ANKRD40: variants seen among roughly 807,000 people sequenced by gnomAD.
ANKRD40 encodes ankyrin repeat domain 40, also known as ankyrin repeat domain-containing protein 40.
Under a neutral mutation model 35.5 loss-of-function variants are expected in ANKRD40, and 24 were observed. That is an observed-to-expected ratio of 0.68 (90% CI 0.49 to 0.95). The LOEUF (loss-of-function observed/expected upper bound fraction) is 0.95, where lower values mean the gene tolerates loss of function less well. ANKRD40 is among the 40% of genes least tolerant of loss of function. The pLI, the probability that ANKRD40 is intolerant of heterozygous loss-of-function variation, is 0.00. For synonymous variants in ANKRD40, 147 were observed against 173.5 expected, an observed-to-expected ratio of 0.85 and a Z score of 1.20; for missense variants, 361 against 436.0, an observed-to-expected ratio of 0.83 and a Z score of 1.53.
At position 50,693,904 on chromosome 17, in the gene ANKRD40, G is replaced by A. The variant is rs1448141791; in HGVS notation, c.*2093C>T. On this transcript the variant is annotated 3_prime_UTR_variant, in exon 5 of 5. Coordinates refer to ENST00000285243, the MANE Select transcript of ANKRD40 (RefSeq NM_052855.4). ...GGAGCACTTTGGGAGGCCAAGGCAG[G>A]TGGATCACTTGAGGCCAGGAGTTCG... 1 of 152,120 alleles carries A rather than the reference G, an allele frequency of 6.6e-6. No individual in the cohort carries two copies. Among genetic ancestry groups the A allele is most frequent in the Admixed American group, 6.6e-5 (1 of 15,262 alleles). The allele number at this position is 152,120 out of a possible 1,614,324, so 9.4% of individuals were successfully genotyped here. A position where few individuals can be genotyped will look rare whatever the true frequency, so the allele number is the denominator to read the frequency against.
Position 50,707,639 on chromosome 17 carries a change from C to T in ANKRD40, c.16G>A (p.Glu6Lys). 1 of 1,574,668 alleles carries T rather than the reference C, an allele frequency of 6.4e-7. No individual in the cohort carries two copies. The highest frequency in any genetic ancestry group is 1.1e-5 in the South Asian group (1 of 87,862). ...AGCCTCTCCTGCTGCTCCTTCTGCT[C>T]TAGGAGGGCGTTCATCTTCCCACAG... MNALLEQKEQQERLRE... is the reference protein window; with the variant it reads MNALLKQKEQQERLRE... Residue 6 changes from glutamate to lysine, a missense_variant, in exon 1 of 5, where the codon GAG (glutamate) becomes AAG (lysine). Glu to Lys is a moderately conservative substitution (Grantham distance 56). Around this residue, in one of 5 missense-constraint regions of ANKRD40, gnomAD observed 56 missense variants for 47.1 expected, o/e 1.19. Transcript: ENST00000285243. This position sits in a 1 kb window ranked among gnomAD's most constrained non-coding sequence, Gnocchi z 4.8.
At chr17:50,698,554 AAAGGGTAAAGATTCCAGATT>A (rs1567843282) in intron 3 of ANKRD40, among the ~76,000 whole-genome samples, 1 of 152,204 alleles carries the variant, frequency 6.6e-6, no homozygotes, top group Non-Finnish European at 1.5e-5. Flanking sequence ...CAAAAATGAT[AAAGGGTAAAGATTCCAGATT>A]AAAGGAAACT....
chr17:50,699,229 G>A (rs2146656841), intron 3 of ANKRD40, among the ~76,000 whole-genome samples, 170 bp downstream of exon 3: 1 of 152,204 alleles, frequency 6.6e-6, no homozygotes, highest in East Asian at 1.9e-4. Flanking sequence ...GGGTATCAGG[G>A]TAAAAGGGCA....
intron 3 of ANKRD40, 107 bp from the exon 4 acceptor site, chr17:50,697,228 G>A (rs1968210654): frequency 9.0e-7 from 1 of 1,105,520 alleles, no homozygotes; most frequent in Non-Finnish European, 1.3e-6. Flanking sequence ...CCAAAGGTCT[G>A]TGCATGATTA....
intron 1 of ANKRD40, among the ~76,000 whole-genome samples, chr17:50,702,799 T>A (rs1007153167): frequency 1.3e-5 from 2 of 152,160 alleles, no homozygotes; most frequent in African/African-American, 4.8e-5. Context: ...GCCTTAGTGA[T>A]CATCATTTAC....
At position 50,699,859 on chromosome 17, in the gene ANKRD40, G is replaced by GTCA. The variant is rs138572332; in HGVS notation, c.315_317dup (p.Asp106dup). 16,920 of 1,515,574 alleles carry GTCA rather than the reference G, an allele frequency of 0.011. 401 individuals carry two copies. The highest frequency in any genetic ancestry group is 0.082 in the African/African-American group (5,885 of 71,672). 93.9% of individuals were successfully genotyped at this position (1,515,574 alleles called of 1,614,324 possible). On this transcript the variant is annotated inframe_insertion, in exon 3 of 5. Coordinates refer to ENST00000285243, the MANE Select transcript of ANKRD40 (RefSeq NM_052855.4). The stretch of plus-strand genomic sequence containing the variant: ...ACTCCTTCTTCAGCTGGGGGAGGTT[G>GTCA]TCATCATCATCATCATCATCATCTT...
chr17:50,697,391 A>G (rs1329715474), intron 3 of ANKRD40, among the ~76,000 whole-genome samples: 1 of 152,210 alleles, frequency 6.6e-6, no homozygotes, highest in Admixed American at 6.5e-5. Context: ...CATTCCAGCT[A>G]TGTAGAAGGA....
In ANKRD40 at chr17:50,707,403, C is replaced by G. The variant is rs1968353334; in HGVS notation, c.134+118G>C. On this transcript the variant is annotated intron_variant, in intron 1 of 4. Coordinates refer to ENST00000285243, the MANE Select transcript of ANKRD40 (RefSeq NM_052855.4). The surrounding 1 kb of genome is among the most constrained non-coding windows in gnomAD (Gnocchi z 4.8). ...CTCAAGAGAGCACAATCTCGGAGGCCCGAGGTGGCAGGCCTCGCCGTAGCC... is the reference window on the plus strand; with the variant it reads ...CTCAAGAGAGCACAATCTCGGAGGCGCGAGGTGGCAGGCCTCGCCGTAGCC... 2 of 1,447,744 alleles carry G rather than the reference C, an allele frequency of 1.4e-6. No individual in the cohort carries two copies. The highest frequency in any genetic ancestry group is 9.3e-7 in the Non-Finnish European group (1 of 1,080,216). The allele number at this position is 1,447,744 out of a possible 1,614,324, so 89.7% of individuals were successfully genotyped here.
Position 50,707,851 on chromosome 17 carries a change from C to T in ANKRD40, c.-197G>A, listed in dbSNP as rs1401904161. 5.4e-6 allele frequency: 1 copy of T among 183,904 alleles called. No homozygotes were observed. Among genetic ancestry groups the T allele is most frequent in the African/African-American group, 2.4e-5 (1 of 41,964 alleles). The allele number at this position is 183,904 out of a possible 1,614,324, so 11.4% of individuals were successfully genotyped here. ...CGCGGGCCGCCCCTGCTGCTCCCGGCCCGCAGGCCCAGGCCTCCTCCCGGG... is the reference window on the plus strand; with the variant it reads ...CGCGGGCCGCCCCTGCTGCTCCCGGTCCGCAGGCCCAGGCCTCCTCCCGGG... On this transcript the variant is annotated 5_prime_UTR_variant, in exon 1 of 5. Transcript: ENST00000285243. This position sits in a 1 kb window ranked among gnomAD's most constrained non-coding sequence, Gnocchi z 4.8.
intron 1 of ANKRD40, among the ~76,000 whole-genome samples, chr17:50,705,818 C>G (rs1489826915): frequency 6.6e-6 from 1 of 151,604 alleles, no homozygotes; most frequent in Non-Finnish European, 1.5e-5. Context: ...ACACCGCTAC[C>G]CCTGGCTAAT....
chr17:50,705,916 C>T (rs1315237063), intron 1 of ANKRD40, among the ~76,000 whole-genome samples: 2 of 151,920 alleles, frequency 1.3e-5, no homozygotes, highest in Non-Finnish European at 2.9e-5. Flanking sequence ...ACCTTGGCCT[C>T]CCAAAGTGCT....
In ANKRD40 at chr17:50,699,422, C is replaced by T; in HGVS notation, c.755G>A (p.Gly252Glu). The change falls in exon 3 of 5, where the codon GGA becomes GAA. Residue 252 changes from glycine to glutamate, a missense_variant. Around this residue, in one of 5 missense-constraint regions of ANKRD40, gnomAD observed 93 missense variants for 129.6 expected, o/e 0.72. Transcript: ENST00000285243. ...APAFQPFFFT[G>E]AFPFNMQELV... ...ACCTTGCATATTAAATGGAAATGCT[C>T]CAGTGAAGAAAAATGGCTGGAATGC... 1 of 1,614,024 alleles carries T rather than the reference C, an allele frequency of 6.2e-7. No individual in the cohort carries two copies. The highest frequency in any genetic ancestry group is 8.5e-7 in the Non-Finnish European group (1 of 1,179,946).
rs1389827651 is a variant in ANKRD40, at chr17:50,694,419, TG to T, written c.*1577del. 4 of 152,236 alleles carry T rather than the reference TG, an allele frequency of 2.6e-5. No individual in the cohort carries two copies. The highest frequency in any genetic ancestry group is 5.9e-5 in the Non-Finnish European group (4 of 68,040). The allele number at this position is 152,236 out of a possible 1,614,324, so 9.4% of individuals were successfully genotyped here. A position where few individuals can be genotyped will look rare whatever the true frequency, so the allele number is the denominator to read the frequency against. ...TCTGCACGTTCTCACTCAACTGTAG[TG>T]TTCTAATAAAATTAAGTTAACACAG... On this transcript the variant is annotated 3_prime_UTR_variant, in exon 5 of 5. Transcript: ENST00000285243.
At chr17:50,705,420 T>TAAAAA (rs11459587) in intron 1 of ANKRD40, among the ~76,000 whole-genome samples, 4 of 141,548 alleles carry the variant, frequency 2.8e-5, no homozygotes, top group Non-Finnish European at 4.6e-5. Flanking sequence ...CAAAGACCTG[T>TAAAAA]AAAAAAAAAA....
At chr17:50,703,649 A>C (rs1388591722) in intron 1 of ANKRD40, among the ~76,000 whole-genome samples, 2 of 152,188 alleles carry the variant, frequency 1.3e-5, no homozygotes. Context: ...GGTATTCCAG[A>C]GAAAGCAAGG....
chr17:50,706,929 A>AG (rs1567845149), intron 1 of ANKRD40, among the ~76,000 whole-genome samples: 4 of 141,450 alleles, frequency 2.8e-5, no homozygotes, highest in Non-Finnish European at 4.7e-5. Context: ...AAAAAAAAAA[A>AG]AAAGAAAGAA....
At chr17:50,700,031 T>C in intron 2 of ANKRD40, 138 bp from the exon 3 acceptor site, 2 of 763,012 alleles carry the variant, frequency 2.6e-6, no homozygotes, top group Non-Finnish European at 3.7e-6. Context: ...TCATTAGGTT[T>C]ATGATTACCA....
intron 3 of ANKRD40, among the ~76,000 whole-genome samples, chr17:50,698,712 G>A (rs369946788): frequency 7.9e-5 from 12 of 152,096 alleles, no homozygotes; most frequent in Admixed American, 3.9e-4. Flanking sequence ...CAGACAGTAC[G>A]TATAGTAGAT....
intron 1 of ANKRD40, among the ~76,000 whole-genome samples, chr17:50,701,390 T>A (rs959327528): frequency 1.3e-5 from 2 of 152,190 alleles, no homozygotes; most frequent in African/African-American, 2.4e-5. Flanking sequence ...ATTCCTGAGG[T>A]ACTTAAAAAA....
Sources: gnomAD v4.1 joint callset for allele counts (sites outside exome capture counted in the v4.1 genomes callset) on GRCh38, gnomAD v4.1.1 for gene constraint, gnomAD v4.1.1 regional missense constraint, Gnocchi (gnomAD v3.1) non-coding constraint, MANE v1.5 for transcripts, NCBI Gene and HGNC (gene_info 2026-07-23, HGNC 2026-07-21) for gene names.